Variants in HEMK2 observed in about 807,000 individuals in gnomAD.
The protein encoded by HEMK2 is HemK methyltransferase 2, ETF1 glutamine and histone H4 lysine.
the HEMK2 span, among the ~76,000 whole-genome samples, chr21:28,611,116 T>C: frequency 3.3e-5 from 5 of 152,192 alleles, no homozygotes; most frequent in Non-Finnish European, 7.3e-5. Context: ...CATCAGCATA[T>C]GGAACATTCC....
At chr21:28,684,687 T>A in the HEMK2 span, among the ~76,000 whole-genome samples, 1 of 152,318 alleles carries the variant, frequency 6.6e-6, no homozygotes, top group East Asian at 1.9e-4. Context: ...AAACCTGACA[T>A]CAACACGTGA....
the HEMK2 span, among the ~76,000 whole-genome samples, chr21:28,806,319 A>C: frequency 6.6e-6 from 1 of 152,230 alleles, no homozygotes; most frequent in African/African-American, 2.4e-5. Context: ...ATGCTGGTTC[A>C]TGTAAAATGT....
chr21:28,801,500 A>T, the HEMK2 span, among the ~76,000 whole-genome samples: 5 of 152,188 alleles, frequency 3.3e-5, no homozygotes, highest in Admixed American at 3.3e-4. Flanking sequence ...GAAAAAAGAA[A>T]AAATGATAAT....
At chr21:28,799,374 C>A in the HEMK2 span, among the ~76,000 whole-genome samples, 1 of 152,096 alleles carries the variant, frequency 6.6e-6, no homozygotes, top group Non-Finnish European at 1.5e-5. Flanking sequence ...GAAAAACCCA[C>A]CCCCATGATT....
chr21:28,636,337 C>T, the HEMK2 span, among the ~76,000 whole-genome samples: 11 of 152,238 alleles, frequency 7.2e-5, 1 homozygote, highest in South Asian at 1.9e-3. Flanking sequence ...AGTTAGGACA[C>T]GGGTTCTATT....
the HEMK2 span, chr21:28,885,276 C>G: frequency 6.3e-7 from 1 of 1,593,368 alleles, no homozygotes; most frequent in Non-Finnish European, 8.6e-7. Context: ...TCCGCGGGCT[C>G]GTACACGTCG....
At chr21:28,761,097 A>C in the HEMK2 span, among the ~76,000 whole-genome samples, 1 of 152,098 alleles carries the variant, frequency 6.6e-6, no homozygotes, top group Admixed American at 6.6e-5. Flanking sequence ...GTATATGATT[A>C]TTTTTGAAAA....
the HEMK2 span, among the ~76,000 whole-genome samples, chr21:28,658,206 C>A: frequency 2.6e-5 from 4 of 151,958 alleles, no homozygotes; most frequent in Non-Finnish European, 5.9e-5. Flanking sequence ...ACATTAAAGT[C>A]CTACCATCCA....
At chr21:28,601,248 G>A in the HEMK2 span, among the ~76,000 whole-genome samples, 1 of 152,072 alleles carries the variant, frequency 6.6e-6, no homozygotes, top group African/African-American at 2.4e-5. Context: ...CCATCTCACT[G>A]GGCGCAAACC....
At chr21:28,665,642 T>C in the HEMK2 span, among the ~76,000 whole-genome samples, 2 of 151,762 alleles carry the variant, frequency 1.3e-5, no homozygotes, top group Admixed American at 1.3e-4. Context: ...TTGGTGGGAC[T>C]GTAAACTAGT....
At chr21:28,846,166 A>G in the HEMK2 span, among the ~76,000 whole-genome samples, 2 of 152,160 alleles carry the variant, frequency 1.3e-5, no homozygotes, top group Admixed American at 6.5e-5. Flanking sequence ...CATGGTGTAC[A>G]TGTGCCACAT....
At chr21:28,788,052 A>C in the HEMK2 span, among the ~76,000 whole-genome samples, 14 of 152,016 alleles carry the variant, frequency 9.2e-5, no homozygotes, top group African/African-American at 3.1e-4. Flanking sequence ...CATAGTCACC[A>C]AAATAGCGTG....
chr21:28,627,215 G>A, the HEMK2 span, among the ~76,000 whole-genome samples: 1 of 152,142 alleles, frequency 6.6e-6, no homozygotes, highest in African/African-American at 2.4e-5. Flanking sequence ...AGAGATCAGA[G>A]CAGTGCACTG....
At chr21:28,627,779 T>A in the HEMK2 span, among the ~76,000 whole-genome samples, 1 of 152,146 alleles carries the variant, frequency 6.6e-6, no homozygotes, top group Non-Finnish European at 1.5e-5. Flanking sequence ...GGCTACTTTC[T>A]TTGCAACCTC....
At chr21:28,702,036 C>A in the HEMK2 span, among the ~76,000 whole-genome samples, 1 of 152,048 alleles carries the variant, frequency 6.6e-6, no homozygotes. Flanking sequence ...AGCACACCTA[C>A]AAGCATCTGA....
the HEMK2 span, among the ~76,000 whole-genome samples, chr21:28,716,202 T>A: frequency 0.32 from 49,395 of 152,050 alleles, 9,039 homozygotes; most frequent in East Asian, 0.55. Flanking sequence ...GGAATAGCAC[T>A]GAATCTGTAC....
chr21:28,661,507 G>T, the HEMK2 span, among the ~76,000 whole-genome samples: 7 of 151,956 alleles, frequency 4.6e-5, no homozygotes, highest in East Asian at 1.4e-3. Context: ...AAAAGTGCTA[G>T]GTTTTGCTGT....
the HEMK2 span, among the ~76,000 whole-genome samples, chr21:28,668,137 C>T: frequency 4.6e-5 from 7 of 152,168 alleles, no homozygotes; most frequent in Middle Eastern, 3.4e-3. Flanking sequence ...CAAATTAGAA[C>T]AAACATTAAA....
the HEMK2 span, among the ~76,000 whole-genome samples, chr21:28,813,393 A>C: frequency 1.3e-5 from 2 of 151,958 alleles, no homozygotes; most frequent in Non-Finnish European, 2.9e-5. Context: ...TACAACTTAC[A>C]AGGGATGTGA....
Sources: gnomAD v4.1 joint callset for allele counts (sites outside exome capture counted in the v4.1 genomes callset) on GRCh38, gnomAD v4.1.1 for gene constraint, MANE v1.5 for transcripts, NCBI Gene and HGNC (gene_info 2026-07-23, HGNC 2026-07-21) for gene names.